The following PLEKHG5 variants were observed in gnomAD, a reference collection of about 807,000 sequenced individuals.
PLEKHG5 encodes pleckstrin homology domain-containing family G member 5.
In PLEKHG5, 52 loss-of-function variants were observed where a neutral mutation model predicts 103.8. The ratio of observed to expected loss-of-function variants is 0.50; its 90% CI spans 0.40 to 0.63. PLEKHG5 has a LOEUF of 0.63. Among genes scored for constraint, PLEKHG5 ranks in the 30% least tolerant of loss-of-function variants. The probability of loss-of-function intolerance (pLI) is 0.00; values close to 1 mark genes in which losing one functional copy is unlikely to be tolerated. For missense variants in PLEKHG5, 1,205 were observed against 1,347.6 expected (o/e 0.89, Z 1.66); for synonymous variants, 592 against 575.5 (o/e 1.03, Z -0.41).
intron 1 of PLEKHG5, among the ~76,000 whole-genome samples, chr1:6,478,131 G>T (rs558805326): frequency 1.1e-3 from 165 of 152,152 alleles, no homozygotes; most frequent in African/African-American, 3.8e-3. Flanking sequence ...TGAACAGCCC[G>T]CCTGGGCCTC....
Position 6,469,676 on chromosome 1 carries a change from T to C in PLEKHG5, c.1801A>G (p.Met601Val), listed in dbSNP as rs1156760922. Residue 601 changes from methionine (M) to valine (V), a missense_variant and splice_region_variant, in exon 17 of 21, where the codon ATG becomes GTG. Coordinates refer to ENST00000377728, the MANE Select transcript of PLEKHG5 (RefSeq NM_020631.6). ...LRMKEGKDSK[M>V]DVYCFLFTDL... is the part of the protein sequence containing the mutation. ...GTGAAGAGGAAGCAGTACACATCCA[T>C]CTGCAGTGGCAGGAGGGGGGGTGGC... 6.2e-7 allele frequency: 1 copy of C among 1,612,366 alleles called. No homozygotes were observed. The highest frequency in any genetic ancestry group is 1.7e-5 in the Admixed American group (1 of 60,008).
At chr1:6,498,630 G>A (rs1316830516), upstream of PLEKHG5, among the ~76,000 whole-genome samples, 1 of 152,160 alleles carries the variant, frequency 6.6e-6, no homozygotes, top group Non-Finnish European at 1.5e-5. Flanking sequence ...ATGACCCTGG[G>A]GAGGGGGCTC....
rs569301128 is a variant in PLEKHG5 at position 6,511,816 on chromosome 1, C to A, written c.-165+7629G>T. Among the ~76,000 whole-genome samples the A allele has an allele frequency of 3.3e-4, 51 of 152,322 alleles. No homozygotes were observed. In the East Asian group the frequency reaches 5.8e-3, roughly 17 times the overall value. ...ACTGCAGAGAGTGAGTGTGTGACTG[C>A]CACTATGGCCTGAATAGAGGAAGGG... On this transcript the variant is annotated intron_variant, in intron 1 of 21. Transcript: ENST00000377740.
rs143585428 is a variant in PLEKHG5 at position 6,475,997 on chromosome 1, G to A, written c.83C>T (p.Pro28Leu). 437 of 1,613,586 alleles carry A rather than the reference G, an allele frequency of 2.7e-4. No homozygotes were observed. Among genetic ancestry groups the A allele is most frequent in the Non-Finnish European group, 3.3e-4 (389 of 1,180,042 alleles). Reference sequence around the variant, plus strand: ...GTCCACTGCGGGGCTGGTGCGCGGCGGGCATGACCGGGTGGACACGTTCCG... The same window carrying A: ...GTCCACTGCGGGGCTGGTGCGCGGCAGGCATGACCGGGTGGACACGTTCCG... ...LARNVSTRSC[P>L]PRTSPAVDLE... The change falls in exon 3 of 21, where the codon CCG becomes CTG. Residue 28 changes from proline to leucine, a missense_variant. Transcript: ENST00000377728.
At position 6,470,472 on chromosome 1, in the gene PLEKHG5, C is replaced by T. The variant is rs376059712; in HGVS notation, c.1680+34G>A. On this transcript the variant is annotated intron_variant, in intron 15 of 20. Coordinates refer to ENST00000377728, the MANE Select transcript of PLEKHG5 (RefSeq NM_020631.6). The stretch of plus-strand genomic sequence containing the variant: ...CCTGCCAGCTGGGCCTTCCTCTCTC[C>T]CAGCCGGCAACCCCCGCAGACACAC... 4 of 1,610,964 alleles carry T rather than the reference C, an allele frequency of 2.5e-6. No individual in the cohort carries two copies. In the African/African-American group the frequency reaches 4.0e-5, roughly 16 times the overall value.
At chr1:6,507,393 G>A (rs1638354227) in intron 1 of PLEKHG5, among the ~76,000 whole-genome samples, 1 of 152,218 alleles carries the variant, frequency 6.6e-6, no homozygotes, top group African/African-American at 2.4e-5. Flanking sequence ...CCATGGGGCA[G>A]CCCTTCAGAA....
At chr1:6,514,453 CAA>C (rs764736187) in intron 1 of PLEKHG5, among the ~76,000 whole-genome samples, 2 of 122,442 alleles carry the variant, frequency 1.6e-5, no homozygotes, top group Non-Finnish European at 1.7e-5. Context: ...GACCCTGCCT[CAA>C]AAAAAAAAAG....
chr1:6,476,169 T>G, intron 2 of PLEKHG5, 133 bp from the exon 3 acceptor site: 1 of 750,782 alleles, frequency 1.3e-6, no homozygotes, highest in Non-Finnish European at 2.3e-6. Flanking sequence ...TTCAGTTCTG[T>G]GAGGAGAGGG....
intron 1 of PLEKHG5, among the ~76,000 whole-genome samples, chr1:6,480,592 A>G (rs1248227988): frequency 2.0e-5 from 3 of 151,596 alleles, no homozygotes; most frequent in African/African-American, 4.8e-5. Flanking sequence ...TTTAGCATAC[A>G]TAGATGATTT....
Position 6,471,089 on chromosome 1 carries a change from G to T in PLEKHG5, c.1293C>A (p.Leu431=). 6.3e-7 allele frequency: 1 copy of T among 1,584,666 alleles called. No individual in the cohort carries two copies. The highest frequency in any genetic ancestry group is 1.2e-5 in the South Asian group (1 of 86,812). Residue 431 remains leucine (L), a synonymous_variant, in exon 13 of 21, where the codon CTC becomes CTA. Transcript: ENST00000377728. ...FLKGFKMFGS[L]FKPYIRYCME... is the part of the protein sequence containing the mutation. ...TGCAGTAGCGGATGTAGGGCTTGAA[G>T]AGCGAGCCGAACTGGCCCGGGGCAG... is the stretch of plus-strand genomic sequence containing the variant.
rs1053471844 is a variant in PLEKHG5, at chr1:6,486,711, C to G, written c.-88+4926G>C. 6.6e-6 allele frequency among the ~76,000 whole-genome samples: 1 copy of G among 152,256 alleles called. No homozygotes were observed. The highest frequency in any genetic ancestry group is 1.5e-5 in the Non-Finnish European group (1 of 68,050). ...CTCTGGTGCTGGAGTCACCACTACA[C>G]GGCTGTCAAAGCGCTTTTACACTGA... is the stretch of plus-strand genomic sequence containing the variant. On this transcript the variant is annotated intron_variant, in intron 1 of 20. Coordinates refer to ENST00000377728, the MANE Select transcript of PLEKHG5 (RefSeq NM_020631.6). This position sits in a 1 kb window ranked among gnomAD's most constrained non-coding sequence, Gnocchi z 5.3.
upstream of PLEKHG5, chr1:6,497,429 G>C (rs1645244662): frequency 1.2e-6 from 1 of 861,510 alleles, no homozygotes; most frequent in Non-Finnish European, 1.4e-6. This position sits in a 1 kb window ranked among gnomAD's most constrained non-coding sequence, Gnocchi z 6.1. Context: ...TCGCACGGGA[G>C]GCGGGCGGGG....
At chr1:6,485,588 GA>G in intron 1 of PLEKHG5, 2 of 784,394 alleles carry the variant, frequency 2.5e-6, no homozygotes, top group Non-Finnish European at 1.7e-6. Flanking sequence ...AGCCCCCCAG[GA>G]AGGCGGACAC....
In PLEKHG5 at chr1:6,474,354, G is replaced by A. The variant is rs1432495384; in HGVS notation, c.439+97C>T. On this transcript the variant is annotated intron_variant, in intron 6 of 20. Transcript: ENST00000377728. Reference sequence around the variant, plus strand: ...CCTGTATGGTAATGAGGCTGCTCAGGCCCACGACCAATGGGAACCTGAGCC... The same window carrying A: ...CCTGTATGGTAATGAGGCTGCTCAGACCCACGACCAATGGGAACCTGAGCC... 1.1e-5 allele frequency: 17 copies of A among 1,486,082 alleles called. No homozygotes were observed. The East Asian group carries it at 3.7e-4, about 33-fold the overall frequency. 92.1% of individuals were successfully genotyped at this position (1,486,082 alleles called of 1,614,324 possible). A position where few individuals can be genotyped will look rare whatever the true frequency, so the allele number is the denominator to read the frequency against.
In PLEKHG5 at chr1:6,471,211, A is replaced by G. The variant is rs186051032; in HGVS notation, c.1282-111T>C. 4.0e-3 allele frequency: 3,652 copies of G among 903,906 alleles called. 91 individuals are homozygous for G. The African/African-American group carries it at 0.051, about 13-fold the overall frequency. The allele number at this position is 903,906 out of a possible 1,614,324, so 56.0% of individuals were successfully genotyped here. ...TTACTGCACTTGGGCGACCACCCCA[A>G]GGGGGCAGCAAGCTTATGATCCCTG... On this transcript the variant is annotated intron_variant, in intron 12 of 20. Transcript: ENST00000377728.
At chr1:6,515,449 C>A (rs1638587745) in intron 1 of PLEKHG5, among the ~76,000 whole-genome samples, 1 of 152,114 alleles carries the variant, frequency 6.6e-6, no homozygotes, top group Non-Finnish European at 1.5e-5. Flanking sequence ...ATCACTTGAA[C>A]CCAGGAGGTG....
In PLEKHG5 at chr1:6,486,231, G is replaced by A. The variant is rs537010548; in HGVS notation, c.-88+5406C>T. Among the ~76,000 whole-genome samples the A allele has an allele frequency of 6.6e-6, 1 of 152,186 alleles. No homozygotes were observed. The highest frequency in any genetic ancestry group is 2.4e-5 in the African/African-American group (1 of 41,522). On this transcript the variant is annotated intron_variant, in intron 1 of 20. Transcript: ENST00000377728. The surrounding 1 kb of genome is among the most constrained non-coding windows in gnomAD (Gnocchi z 5.3). The stretch of plus-strand genomic sequence containing the variant: ...CTTAGAATACAGGCACCAGAAGGGG[G>A]AGGCCAGGATGGGGCACACTCCCCT...
chr1:6,473,753 C>G (rs1185875184), intron 7 of PLEKHG5, among the ~76,000 whole-genome samples: 9 of 152,152 alleles, frequency 5.9e-5, no homozygotes, highest in Admixed American at 3.9e-4. Context: ...TACAAGTGCT[C>G]TCACACACAC....
At chr1:6,484,343 C>T (rs1042879224) in intron 1 of PLEKHG5, among the ~76,000 whole-genome samples, 1 of 152,152 alleles carries the variant, frequency 6.6e-6, no homozygotes, top group African/African-American at 2.4e-5. Flanking sequence ...GGTGCCCAGG[C>T]CCGGCTGACC....
Sources: gnomAD v4.1 joint callset for allele counts (sites outside exome capture counted in the v4.1 genomes callset) on GRCh38, gnomAD v4.1.1 for gene constraint, Gnocchi (gnomAD v3.1) non-coding constraint, MANE v1.5 for transcripts, NCBI Gene and HGNC (gene_info 2026-07-23, HGNC 2026-07-21) for gene names.